The following AKT3 variants were observed in gnomAD, a reference collection of about 807,000 sequenced individuals.
AKT3 encodes the protein RAC-gamma serine/threonine-protein kinase.
Under a neutral mutation model 65.3 loss-of-function variants are expected in AKT3, and 15 were observed. The observed-to-expected ratio is 0.23, with a 90% CI of 0.15 to 0.35. AKT3 has a LOEUF of 0.35. AKT3 is among the 10% of genes least tolerant of loss of function. The probability of loss-of-function intolerance (pLI) is 1.00; values close to 1 mark genes in which losing one functional copy is unlikely to be tolerated. For synonymous variants in AKT3, 206 were observed against 183.8 expected, an observed-to-expected ratio of 1.12 and a Z score of -0.98; for missense variants, 243 against 576.5, an observed-to-expected ratio of 0.42 and a Z score of 5.92.
At chr1:243,648,780 G>C (rs1414031931) in intron 4 of AKT3, among the ~76,000 whole-genome samples, 7 of 151,944 alleles carry the variant, frequency 4.6e-5, no homozygotes, top group African/African-American at 1.4e-4. Context: ...TGTTTTCTTG[G>C]ATGTCAGTAA....
At chr1:243,828,911 G>A (rs1334361118) in intron 2 of AKT3, among the ~76,000 whole-genome samples, 1 of 152,158 alleles carries the variant, frequency 6.6e-6, no homozygotes, top group African/African-American at 2.4e-5. Context: ...AGTCAAACTA[G>A]TCACTTTTTT....
intron 2 of AKT3, among the ~76,000 whole-genome samples, chr1:243,816,454 C>G (rs1172919584): frequency 6.6e-6 from 1 of 152,080 alleles, no homozygotes; most frequent in African/African-American, 2.4e-5. Flanking sequence ...ATGGTAGGCA[C>G]CACCCTACTG....
At chr1:243,552,288 CAAAAA>C (rs33995513) in intron 11 of AKT3, among the ~76,000 whole-genome samples, 11 of 50,166 alleles carry the variant, frequency 2.2e-4, no homozygotes, top group South Asian at 2.8e-3. Flanking sequence ...GACTCTGTCT[CAAAAA>C]AAAAAAAAAA....
intron 6 of AKT3, among the ~76,000 whole-genome samples, chr1:243,623,194 C>G (rs138255368): frequency 1.2e-3 from 178 of 152,252 alleles, no homozygotes; most frequent in African/African-American, 4.1e-3. Flanking sequence ...TGATTTTGCT[C>G]TGAGAGGTTG....
At chr1:243,513,578 GAGC>G (rs936902540) in intron 12 of AKT3, among the ~76,000 whole-genome samples, 4 of 152,212 alleles carry the variant, frequency 2.6e-5, no homozygotes, top group East Asian at 1.9e-4. Context: ...ATCGTGGGAT[GAGC>G]AGAATTAAAA....
chr1:243,674,117 C>T (rs930201082), intron 3 of AKT3, among the ~76,000 whole-genome samples: 4 of 152,146 alleles, frequency 2.6e-5, no homozygotes, highest in African/African-American at 9.7e-5. Context: ...CCCAATTTAT[C>T]TGTGCCTTGG....
At chr1:243,793,839 C>G (rs927037284) in intron 2 of AKT3, among the ~76,000 whole-genome samples, 1 of 151,346 alleles carries the variant, frequency 6.6e-6, no homozygotes, top group African/African-American at 2.4e-5. Flanking sequence ...TCTAGGAGCT[C>G]GACTGAGTAG....
chr1:243,753,508 C>A (rs528419336), intron 2 of AKT3, among the ~76,000 whole-genome samples: 11 of 152,226 alleles, frequency 7.2e-5, no homozygotes, highest in African/African-American at 2.6e-4. Flanking sequence ...TATATACACA[C>A]AAATGACCCT....
intron 2 of AKT3, among the ~76,000 whole-genome samples, chr1:243,756,538 A>G (rs1689152592): frequency 6.6e-6 from 1 of 152,240 alleles, no homozygotes; most frequent in African/African-American, 2.4e-5. Flanking sequence ...TTTGTTGAAT[A>G]AAACAAGAAT....
At chr1:243,517,259 G>T (rs1275530738) in intron 12 of AKT3, among the ~76,000 whole-genome samples, 2 of 152,122 alleles carry the variant, frequency 1.3e-5, no homozygotes, top group East Asian at 3.9e-4. Context: ...AATGATCTGT[G>T]ACCTTGAGAA....
chr1:243,841,109 AACACAT>A lies in AKT3; in HGVS notation c.46+2010_46+2015del, dbSNP rs538472671. Among the ~76,000 whole-genome samples, 237 of 152,270 alleles carry A rather than the reference AACACAT, an allele frequency of 1.6e-3. 1 individual carries two copies. The highest frequency in any genetic ancestry group is 5.4e-3 in the African/African-American group (223 of 41,572). ...AAATAAGCACATACACATTATTAGAAACACATACACATACACATCTCAAAATAAACA... is the reference window on the plus strand; with the variant it reads ...AAATAAGCACATACACATTATTAGAAACACATACACATCTCAAAATAAACA... On this transcript the variant is annotated intron_variant, in intron 2 of 13. Coordinates refer to ENST00000673466, the MANE Select transcript of AKT3 (RefSeq NM_005465.7).
chr1:243,532,220 A>G (rs935229908), intron 12 of AKT3, among the ~76,000 whole-genome samples: 53 of 152,216 alleles, frequency 3.5e-4, no homozygotes, highest in African/African-American at 1.2e-3. Context: ...GTCTTTCACC[A>G]TTGAATATAA....
chr1:243,693,556 A>T (rs950641778), intron 3 of AKT3, among the ~76,000 whole-genome samples: 1 of 151,948 alleles, frequency 6.6e-6, no homozygotes, highest in Admixed American at 6.6e-5. Flanking sequence ...TGTCAGGGAC[A>T]AAAAGGGCCT....
chr1:243,645,813 T>C, intron 5 of AKT3, 80 bp downstream of exon 5: 1 of 1,365,538 alleles, frequency 7.3e-7, no homozygotes, highest in South Asian at 1.5e-5. Context: ...CTGGCTGACA[T>C]CTTTCTGCAA....
chr1:243,632,655 T>G (rs976654789), intron 6 of AKT3, among the ~76,000 whole-genome samples: 1 of 152,218 alleles, frequency 6.6e-6, no homozygotes, highest in Non-Finnish European at 1.5e-5. Context: ...GACTTCTCCT[T>G]TCTAAGGAAG....
chr1:243,837,320 T>C (rs1275678578), intron 2 of AKT3, among the ~76,000 whole-genome samples: 1 of 152,136 alleles, frequency 6.6e-6, no homozygotes, highest in Non-Finnish European at 1.5e-5. Flanking sequence ...AGAAATCTCA[T>C]TTATCATCAA....
chr1:243,642,542 C>A (rs947680307), intron 5 of AKT3, among the ~76,000 whole-genome samples: 13 of 152,214 alleles, frequency 8.5e-5, no homozygotes, highest in South Asian at 2.1e-4. Flanking sequence ...ATCTCCTGAC[C>A]TTGTGATCCG....
chr1:243,720,324 A>ATAAAAATGGTTAAAAATGG (rs1686797029), intron 2 of AKT3, among the ~76,000 whole-genome samples: 1 of 151,980 alleles, frequency 6.6e-6, no homozygotes, highest in Non-Finnish European at 1.5e-5. Context: ...TAAAATAAAA[A>ATAAAAATGGTTAAAAATGG]TAAAAATGGT....
intron 13 of AKT3, among the ~76,000 whole-genome samples, 184 bp from the exon 14 acceptor site, chr1:243,505,518 CAT>C (rs1428476314): frequency 1.3e-5 from 2 of 152,234 alleles, no homozygotes; most frequent in Admixed American, 6.5e-5. Context: ...TTCATAAATA[CAT>C]AGTCTATGAA....
Sources: gnomAD v4.1 joint callset for allele counts (sites outside exome capture counted in the v4.1 genomes callset) on GRCh38, gnomAD v4.1.1 for gene constraint, MANE v1.5 for transcripts, NCBI Gene and HGNC (gene_info 2026-07-23, HGNC 2026-07-21) for gene names.